Variants in CACNA1A observed in about 807,000 individuals in gnomAD.
CACNA1A encodes voltage-dependent P/Q-type calcium channel subunit alpha-1A.
Under a neutral mutation model 262.4 loss-of-function variants are expected in CACNA1A, and 57 were observed. That is an observed-to-expected ratio of 0.22 (90% CI 0.18 to 0.27). The LOEUF is 0.27. Ranked by LOEUF, CACNA1A falls within the 10% of genes least tolerant of loss-of-function variation. The probability of loss-of-function intolerance (pLI) is 1.00; values close to 1 mark genes in which losing one functional copy is unlikely to be tolerated. For synonymous variants in CACNA1A, 1,431 were observed against 1,419.3 expected, an observed-to-expected ratio of 1.01 and a Z score of -0.18; for missense variants, 2,526 against 3,562.8, an observed-to-expected ratio of 0.71 and a Z score of 7.41.
intron 10 of CACNA1A, among the ~76,000 whole-genome samples, chr19:13,319,404 C>T (rs1167262931): frequency 1.3e-5 from 2 of 152,150 alleles, no homozygotes; most frequent in Non-Finnish European, 2.9e-5. Context: ...ATCCATTCAT[C>T]CATCCATTCG....
Position 13,359,796 on chromosome 19 carries a change from T to A in CACNA1A, c.788A>T (p.Asp263Val), listed in dbSNP as rs2059070159. ...HTTCFEEGTD[D>V]IQGESPAPCG... ...TGGAGCCGGAGACTCACCCTGAATGTCATCTACAAAAGGGAAGGGGAGAAA... is the reference window on the plus strand; with the variant it reads ...TGGAGCCGGAGACTCACCCTGAATGACATCTACAAAAGGGAAGGGGAGAAA... The change falls in exon 6 of 47, where the codon GAC (aspartate) becomes GTC (valine). Residue 263 changes from aspartate (D) to valine (V), a missense_variant. Asp to Val is a radical substitution (Grantham distance 152). This residue lies in a region of CACNA1A where 52 missense variants were observed against 124.0 expected (regional missense o/e 0.42). Coordinates refer to ENST00000360228, the MANE Select transcript of CACNA1A (RefSeq NM_001127222.2). 6.6e-7 allele frequency: 1 copy of A among 1,510,052 alleles called. No homozygotes were observed. The highest frequency in any genetic ancestry group is 2.1e-5 in the Admixed American group (1 of 47,730). 93.5% of individuals were successfully genotyped at this position (1,510,052 alleles called of 1,614,324 possible).
intron 12 of CACNA1A, among the ~76,000 whole-genome samples, chr19:13,310,350 G>A (rs962061764): frequency 6.8e-6 from 1 of 147,584 alleles, no homozygotes; most frequent in African/African-American, 2.5e-5. Flanking sequence ...AGCTACTTGG[G>A]AGGCTGAGGC....
chr19:13,234,134 G>A (rs1224333169), intron 34 of CACNA1A, among the ~76,000 whole-genome samples: 5 of 150,776 alleles, frequency 3.3e-5, no homozygotes, highest in African/African-American at 4.9e-5. Context: ...CGGATCACGA[G>A]GTCAGGAGAT....
rs1381831995 is a variant in CACNA1A, at chr19:13,208,023, G to T, written c.6811C>A (p.Pro2271Thr). 3.8e-6 allele frequency: 5 copies of T among 1,308,114 alleles called. No individual in the cohort carries two copies. Among genetic ancestry groups the T allele is most frequent in the Non-Finnish European group, 4.8e-6 (5 of 1,033,008 alleles). The allele number at this position is 1,308,114 out of a possible 1,614,324, so 81.0% of individuals were successfully genotyped here. Residue 2271 changes from proline (P) to threonine (T), a missense_variant, in exon 47 of 47, where the codon CCC (proline) becomes ACC (threonine). Physicochemically the swap from Pro to Thr is conservative, Grantham distance 38. Around this residue, in one of 17 missense-constraint regions of CACNA1A, gnomAD observed 929 missense variants for 868.1 expected, o/e 1.07. Transcript: ENST00000360228. ...GSSSVSGSPA[P>T]STSGTSTPRR... Reference sequence around the variant, plus strand: ...GGAGTGCTGGTACCAGATGTTGAGGGGGCTGGGCTTCCACTTACGGAACTA... The same window carrying T: ...GGAGTGCTGGTACCAGATGTTGAGGTGGCTGGGCTTCCACTTACGGAACTA...
chr19:13,297,662 A>G (rs2057691834), intron 19 of CACNA1A, among the ~76,000 whole-genome samples: 1 of 152,106 alleles, frequency 6.6e-6, no homozygotes. Context: ...CACTGTCTCT[A>G]CAAAAATTAG....
intron 1 of CACNA1A, among the ~76,000 whole-genome samples, chr19:13,456,878 AAAAC>A (rs1164769322): frequency 6.6e-6 from 1 of 152,166 alleles, no homozygotes; most frequent in African/African-American, 2.4e-5. Context: ...ATAGCTATTA[AAAAC>A]AAACAAACAA....
chr19:13,211,935 TG>T, intron 43 of CACNA1A, 167 bp downstream of exon 43: 1 of 592,108 alleles, frequency 1.7e-6, no homozygotes, highest in South Asian at 2.0e-5. Flanking sequence ...GCTCCAGGTG[TG>T]ACCAGGTGGT....
At chr19:13,414,939 G>A (rs1832442102) in intron 3 of CACNA1A, among the ~76,000 whole-genome samples, 2 of 151,932 alleles carry the variant, frequency 1.3e-5, no homozygotes, top group Admixed American at 1.3e-4. Flanking sequence ...CTCGAGCCTG[G>A]GTGAAAAAGA....
intron 1 of CACNA1A, among the ~76,000 whole-genome samples, chr19:13,464,565 T>A (rs931323398): frequency 2.2e-5 from 3 of 134,910 alleles, no homozygotes; most frequent in East Asian, 2.1e-4. Context: ...TTTTTTTTTT[T>A]AGAGACCGAG....
At chr19:13,220,586 G>A (rs1285213869) in intron 38 of CACNA1A, among the ~76,000 whole-genome samples, 4 of 152,136 alleles carry the variant, frequency 2.6e-5, no homozygotes, top group South Asian at 2.1e-4. Context: ...TTTCAGCCTC[G>A]TGAGACCCTC....
At chr19:13,457,995 G>A (rs1485028518) in intron 1 of CACNA1A, among the ~76,000 whole-genome samples, 3 of 152,116 alleles carry the variant, frequency 2.0e-5, no homozygotes, top group African/African-American at 4.8e-5. Flanking sequence ...TCCCGAACAG[G>A]CAAATCCAGA....
intron 1 of CACNA1A, among the ~76,000 whole-genome samples, chr19:13,497,577 T>TAAATAA (rs1568710157): frequency 4.6e-5 from 1 of 21,518 alleles, no homozygotes; most frequent in African/African-American, 3.0e-4. Context: ...TATATATATA[T>TAAATAA]ATAAATTTAT....
intron 1 of CACNA1A, among the ~76,000 whole-genome samples, chr19:13,478,085 G>A (rs985821718): frequency 1.1e-4 from 17 of 152,168 alleles, no homozygotes; most frequent in Admixed American, 7.9e-4. Context: ...CACCTCCCTC[G>A]AGCTGCTGTG....
At chr19:13,392,483 T>C (rs932845983) in intron 3 of CACNA1A, among the ~76,000 whole-genome samples, 19 of 152,316 alleles carry the variant, frequency 1.2e-4, no homozygotes, top group African/African-American at 4.3e-4. Context: ...ATGAATCCAA[T>C]TGATGGAGTG....
At chr19:13,323,707 C>A (rs1056565542) in intron 10 of CACNA1A, among the ~76,000 whole-genome samples, 1 of 152,164 alleles carries the variant, frequency 6.6e-6, no homozygotes, top group Non-Finnish European at 1.5e-5. Flanking sequence ...CGTTTTCTCA[C>A]ATTCCTTAGG....
intron 3 of CACNA1A, among the ~76,000 whole-genome samples, chr19:13,399,163 G>A (rs1351152285): frequency 2.0e-5 from 3 of 152,076 alleles, no homozygotes; most frequent in Non-Finnish European, 2.9e-5. Flanking sequence ...TGGGGAATGA[G>A]CCATAGTTTA....
At position 13,459,758 on chromosome 19, in the gene CACNA1A, T is replaced by A. The variant is rs372347326; in HGVS notation, c.294-4546A>T. 1.2e-4 allele frequency among the ~76,000 whole-genome samples: 18 copies of A among 152,348 alleles called. No individual in the cohort carries two copies. The East Asian group carries it at 3.3e-3, about 28-fold the overall frequency. On this transcript the variant is annotated intron_variant, in intron 1 of 46. Transcript: ENST00000360228. ...CTGCCATCCCACTCCTCCGGTTCCCTGGTCTCCTGCCCCTCAATGGCAGGG... is the reference window on the plus strand; with the variant it reads ...CTGCCATCCCACTCCTCCGGTTCCCAGGTCTCCTGCCCCTCAATGGCAGGG...
intron 11 of CACNA1A, 36 bp from the exon 12 acceptor site, chr19:13,312,817 G>T: frequency 9.2e-7 from 1 of 1,087,678 alleles, no homozygotes; most frequent in Non-Finnish European, 1.3e-6. Flanking sequence ...GAGGAGGTTA[G>T]GCTTGCTGAG....
intron 34 of CACNA1A, 70 bp from the exon 35 acceptor site, chr19:13,231,930 T>C: frequency 6.6e-7 from 1 of 1,513,178 alleles, no homozygotes; most frequent in South Asian, 1.2e-5. Context: ...CCCCAGGAGG[T>C]GGAGCACACA....
Sources: gnomAD v4.1 joint callset for allele counts (sites outside exome capture counted in the v4.1 genomes callset) on GRCh38, gnomAD v4.1.1 for gene constraint, gnomAD v4.1.1 regional missense constraint, MANE v1.5 for transcripts, NCBI Gene and HGNC (gene_info 2026-07-23, HGNC 2026-07-21) for gene names.